SMYD3: variants seen among roughly 807,000 people sequenced by gnomAD.
SMYD3 encodes the protein histone-lysine N-methyltransferase SMYD3.
SMYD3 carries 36 observed loss-of-function variants against 57.7 expected under a neutral mutation model. That is an observed-to-expected ratio of 0.62 (90% CI 0.48 to 0.82). The LOEUF is 0.82. SMYD3 is among the 40% of genes least tolerant of loss of function. The pLI, the probability that SMYD3 is intolerant of heterozygous loss-of-function variation, is 0.00. For synonymous variants in SMYD3, 211 were observed against 195.0 expected, an observed-to-expected ratio of 1.08 and a Z score of -0.68; for missense variants, 515 against 538.8, an observed-to-expected ratio of 0.96 and a Z score of 0.44.
chr1:246,098,738 TGTAA>T (rs1418270422), intron 5 of SMYD3, among the ~76,000 whole-genome samples: 1 of 152,190 alleles, frequency 6.6e-6, no homozygotes, highest in African/African-American at 2.4e-5. Flanking sequence ...GTATTTAGAT[TGTAA>T]GTATTTTATT....
intron 5 of SMYD3, among the ~76,000 whole-genome samples, chr1:246,139,126 G>A (rs917063336): frequency 6.6e-6 from 1 of 152,172 alleles, no homozygotes; most frequent in African/African-American, 2.4e-5. Context: ...AGCAGGTTCA[G>A]GGGACTGATT....
Position 246,355,285 on chromosome 1 carries a change from A to G in SMYD3, c.165-191T>C. 1 of 568,508 alleles carries G rather than the reference A, an allele frequency of 1.8e-6. No homozygotes were observed. Among genetic ancestry groups the G allele is most frequent in the Non-Finnish European group, 3.1e-6 (1 of 320,768 alleles). 35.2% of individuals were successfully genotyped at this position (568,508 alleles called of 1,614,324 possible). On this transcript the variant is annotated intron_variant, in intron 1 of 11. Coordinates refer to ENST00000490107, the MANE Select transcript of SMYD3 (RefSeq NM_001167740.2). This position sits in a 1 kb window ranked among gnomAD's most constrained non-coding sequence, Gnocchi z 5.0. ...AACCTTCCATGTGAGACACTGATAG[A>G]AAAACTAAGTCCTTTTGTCTGACAG...
intron 5 of SMYD3, among the ~76,000 whole-genome samples, chr1:246,266,048 G>T (rs182352265): frequency 6.6e-6 from 1 of 152,130 alleles, no homozygotes; most frequent in African/African-American, 2.4e-5. Context: ...GCAATCATTT[G>T]TTCAAGATCC....
At chr1:246,139,122 T>C (rs1451643201) in intron 5 of SMYD3, among the ~76,000 whole-genome samples, 1 of 152,226 alleles carries the variant, frequency 6.6e-6, no homozygotes. Context: ...TCACAGCAGG[T>C]TCAGGGGACT....
intron 2 of SMYD3, among the ~76,000 whole-genome samples, chr1:246,342,580 C>A (rs2065649463): frequency 6.6e-6 from 1 of 152,186 alleles, no homozygotes; most frequent in Non-Finnish European, 1.5e-5. Flanking sequence ...GCAAAAAAAT[C>A]TCTTTAGAGC....
At chr1:246,445,606 A>C (rs892533811) in intron 1 of SMYD3, among the ~76,000 whole-genome samples, 1 of 152,214 alleles carries the variant, frequency 6.6e-6, no homozygotes. Context: ...AACACAGTTA[A>C]CAACAAAGAA....
At chr1:246,247,481 ATATATT>A (rs1272502361) in intron 5 of SMYD3, among the ~76,000 whole-genome samples, 7 of 144,544 alleles carry the variant, frequency 4.8e-5, no homozygotes, top group South Asian at 2.3e-4. Flanking sequence ...ATATATATAT[ATATATT>A]TTTTAACATG....
chr1:246,409,738 T>C (rs1484402642), intron 1 of SMYD3, among the ~76,000 whole-genome samples: 2 of 152,234 alleles, frequency 1.3e-5, no homozygotes, highest in African/African-American at 2.4e-5. Context: ...TTGATGGGGA[T>C]GGCATTGAAT....
chr1:245,816,415 T>C (rs1467337620), intron 10 of SMYD3, among the ~76,000 whole-genome samples: 3 of 144,826 alleles, frequency 2.1e-5, no homozygotes, highest in African/African-American at 5.2e-5. Context: ...CATTTCAGAA[T>C]AGGACGACTG....
chr1:245,977,351 C>T (rs2148054377), intron 5 of SMYD3, among the ~76,000 whole-genome samples: 1 of 152,308 alleles, frequency 6.6e-6, no homozygotes, highest in East Asian at 1.9e-4. Flanking sequence ...GCTTTAAATG[C>T]CACCATTGGA....
At chr1:245,891,818 G>A (rs1429290161) in intron 8 of SMYD3, among the ~76,000 whole-genome samples, 1 of 152,204 alleles carries the variant, frequency 6.6e-6, no homozygotes, top group Non-Finnish European at 1.5e-5. Flanking sequence ...AGAGGCAGGA[G>A]GACTGCTTGA....
intron 5 of SMYD3, among the ~76,000 whole-genome samples, chr1:246,120,969 C>T (rs188428025): frequency 1.9e-4 from 29 of 152,272 alleles, no homozygotes; most frequent in African/African-American, 6.5e-4. Flanking sequence ...TGAAGGATGG[C>T]TTTCTTTAAT....
Position 246,253,911 on chromosome 1 carries a change from T to G in SMYD3, c.531+73290A>C, listed in dbSNP as rs556367010. On this transcript the variant is annotated intron_variant, in intron 5 of 11. Transcript: ENST00000490107. Reference sequence around the variant, plus strand: ...AATGGTAGTTCTGCTTTAAGCTCCTTGAGAAACCTCCAATGGCGTTCCACA... The same window carrying G: ...AATGGTAGTTCTGCTTTAAGCTCCTGGAGAAACCTCCAATGGCGTTCCACA... Among the ~76,000 whole-genome samples the G allele has an allele frequency of 6.6e-5, 10 of 152,348 alleles. No individual in the cohort carries two copies. The South Asian group carries it at 1.9e-3, about 28-fold the overall frequency.
intron 5 of SMYD3, among the ~76,000 whole-genome samples, chr1:245,980,676 T>C (rs944568834): frequency 6.6e-6 from 1 of 152,246 alleles, no homozygotes; most frequent in African/African-American, 2.4e-5. Flanking sequence ...CAAATGCAGC[T>C]GTCAGTAACT....
chr1:245,812,816 TTCA>T (rs1420704493), intron 10 of SMYD3, among the ~76,000 whole-genome samples: 1 of 151,802 alleles, frequency 6.6e-6, no homozygotes, highest in Admixed American at 6.6e-5. Context: ...GAGGGAAGGC[TTCA>T]TCATTTATCA....
intron 9 of SMYD3, among the ~76,000 whole-genome samples, chr1:245,859,462 G>A (rs907293836): frequency 1.3e-5 from 2 of 152,208 alleles, no homozygotes; most frequent in Non-Finnish European, 2.9e-5. Context: ...ATCTCATGTA[G>A]CCTTGGAGTG....
chr1:246,413,394 T>C (rs2067008031), intron 1 of SMYD3, among the ~76,000 whole-genome samples: 2 of 152,212 alleles, frequency 1.3e-5, no homozygotes, highest in Non-Finnish European at 2.9e-5. Context: ...AGTAAATAGC[T>C]AATTTTTATC....
intron 5 of SMYD3, among the ~76,000 whole-genome samples, chr1:246,157,061 G>C (rs1264723518): frequency 1.3e-4 from 20 of 152,340 alleles, no homozygotes; most frequent in Non-Finnish European, 2.9e-5. Context: ...ACATCTGTTT[G>C]GAACAGCAGT....
rs143521072 is a variant in SMYD3, at chr1:245,921,549, GTA to G, written c.703-5911_703-5910del. Among the ~76,000 whole-genome samples, 289 of 141,402 alleles carry G rather than the reference GTA, an allele frequency of 2.0e-3. 8 individuals are homozygous for G. Among genetic ancestry groups the G allele is most frequent in the African/African-American group, 6.8e-3 (263 of 38,448 alleles). The allele number at this position is 141,402 out of a possible 152,430, so 92.8% of individuals were successfully genotyped here. ...TCAACAGTGAGCTAAAAAATGTGGT[GTA>G]TATATATATATATATATATACACAT... On this transcript the variant is annotated intron_variant, in intron 7 of 11. Transcript: ENST00000490107.
Sources: gnomAD v4.1 joint callset for allele counts (sites outside exome capture counted in the v4.1 genomes callset) on GRCh38, gnomAD v4.1.1 for gene constraint, Gnocchi (gnomAD v3.1) non-coding constraint, MANE v1.5 for transcripts, NCBI Gene and HGNC (gene_info 2026-07-23, HGNC 2026-07-21) for gene names.